Variants in IQCM observed in about 807,000 individuals in gnomAD.
IQCM encodes IQ motif containing M.
A neutral mutation model predicts 57.6 loss-of-function variants in IQCM; 45 were observed. The ratio of observed to expected loss-of-function variants is 0.78; its 90% CI spans 0.62 to 1.00. IQCM has a LOEUF of 1.00. Ranked by LOEUF, IQCM falls within the 50% of genes least tolerant of loss-of-function variation. IQCM has a pLI of 0.00. For missense variants in IQCM, 468 were observed against 511.6 expected, an observed-to-expected ratio of 0.91 and a Z score of 0.82; for synonymous variants, 148 against 158.9, an observed-to-expected ratio of 0.93 and a Z score of 0.51.
At chr4:149,723,766 T>C (rs1765653485) in intron 5 of IQCM, among the ~76,000 whole-genome samples, 1 of 151,986 alleles carries the variant, frequency 6.6e-6, no homozygotes, top group Non-Finnish European at 1.5e-5. Context: ...TGTTATTTCC[T>C]TTCCTGGCTT....
intron 2 of IQCM, among the ~76,000 whole-genome samples, chr4:149,778,290 G>A (rs964576166): frequency 3.9e-5 from 6 of 152,118 alleles, no homozygotes; most frequent in Admixed American, 3.3e-4. Flanking sequence ...GCAGGAGAAT[G>A]GCGTGAACCT....
rs1209490832 is a variant in IQCM at position 149,602,211 on chromosome 4, G to A, written c.682-14214C>T. Among the ~76,000 whole-genome samples, 3 of 151,914 alleles carry A rather than the reference G, an allele frequency of 2.0e-5. No individual in the cohort carries two copies. In the East Asian group the frequency reaches 5.8e-4, roughly 29 times the overall value. ...GAGATGATGTAAAGTATAGGGGAGG[G>A]CTTGTACAGATTATACAAAAAATAG... On this transcript the variant is annotated intron_variant, in intron 8 of 13. Coordinates refer to ENST00000636793, the MANE Select transcript of IQCM (RefSeq NM_001363507.2).
rs374672046 is a variant in IQCM at position 149,390,712 on chromosome 4, C to T, written c.1391-38646G>A. 8.8e-4 allele frequency among the ~76,000 whole-genome samples: 134 copies of T among 151,626 alleles called. 1 individual carries two copies. The highest frequency in any genetic ancestry group is 2.7e-3 in the African/African-American group (111 of 41,390). On this transcript the variant is annotated intron_variant, in intron 13 of 13. Coordinates refer to ENST00000636793, the MANE Select transcript of IQCM (RefSeq NM_001363507.2). ...TTTTTTCTTTATTAATATTGTATAA[C>T]GCATTAATTGACTTTCAGAAGTTAA...
chr4:149,803,637 TG>T (rs1773812743), intron 2 of IQCM, among the ~76,000 whole-genome samples: 1 of 151,978 alleles, frequency 6.6e-6, no homozygotes, highest in Non-Finnish European at 1.5e-5. Context: ...GCTGGACAGT[TG>T]CATGAAAAGG....
rs1750360914 is a variant in IQCM, at chr4:149,563,811, C to T, written c.829G>A (p.Val277Met). ...ATGAATTTTTTTCTTTCTCGGAACA[C>T]TTGGAAGATTTCTATGTGTGGTCCA... ...RIGPHIEIFQ[V>M]FRERKKFMIT... is the part of the protein sequence containing the mutation. Residue 277 changes from valine (V) to methionine (M), a missense_variant, in exon 10 of 14, where the codon GTG becomes ATG. By Grantham distance (21) the Val-to-Met change is conservative. Transcript: ENST00000636793. 1 of 1,231,912 alleles carries T rather than the reference C, an allele frequency of 8.1e-7. No individual in the cohort carries two copies. Among genetic ancestry groups the T allele is most frequent in the Non-Finnish European group, 1.0e-6 (1 of 987,840 alleles). 76.3% of individuals were successfully genotyped at this position (1,231,912 alleles called of 1,614,324 possible).
At chr4:149,390,888 T>C (rs900292107) in intron 13 of IQCM, among the ~76,000 whole-genome samples, 3 of 151,900 alleles carry the variant, frequency 2.0e-5, no homozygotes, top group Non-Finnish European at 4.4e-5. Flanking sequence ...TTTGTTTTTT[T>C]TTTCTTTATA....
intron 8 of IQCM, among the ~76,000 whole-genome samples, chr4:149,615,998 G>A (rs1755759231): frequency 1.3e-5 from 2 of 152,150 alleles, no homozygotes; most frequent in Admixed American, 1.3e-4. Flanking sequence ...TGCATTGCTG[G>A]TGGGAAGGTA....
At chr4:149,433,680 T>A (rs1422372160) in intron 12 of IQCM, 123 bp from the exon 13 acceptor site, 4 of 403,680 alleles carry the variant, frequency 9.9e-6, no homozygotes. Context: ...TGAAAACATG[T>A]CTTTTTTTTT....
chr4:149,540,274 G>C (rs1034197328), intron 12 of IQCM, among the ~76,000 whole-genome samples: 1 of 149,434 alleles, frequency 6.7e-6, no homozygotes, highest in Non-Finnish European at 1.5e-5. Context: ...AATTGTCATA[G>C]AACTACAAGA....
intron 7 of IQCM, among the ~76,000 whole-genome samples, chr4:149,669,444 G>A (rs1237095476): frequency 1.3e-5 from 2 of 152,080 alleles, no homozygotes; most frequent in Non-Finnish European, 2.9e-5. Context: ...CACTCTGATG[G>A]TAGTTACTTT....
chr4:149,732,656 G>GA (rs1352919484), intron 5 of IQCM, among the ~76,000 whole-genome samples: 1 of 151,854 alleles, frequency 6.6e-6, no homozygotes, highest in East Asian at 1.9e-4. Context: ...AACGTAAGAG[G>GA]AAAAAAATAA....
At chr4:149,443,323 A>G (rs2111347087) in intron 12 of IQCM, among the ~76,000 whole-genome samples, 1 of 152,192 alleles carries the variant, frequency 6.6e-6, no homozygotes, top group Admixed American at 6.6e-5. Flanking sequence ...AGTCTAGTCA[A>G]GTTTGTACAT....
chr4:149,397,688 A>C (rs527978723), intron 13 of IQCM, among the ~76,000 whole-genome samples: 1 of 152,168 alleles, frequency 6.6e-6, no homozygotes, highest in East Asian at 1.9e-4. Context: ...GGACTAATAC[A>C]ACAATTTTTT....
chr4:149,673,529 CCAT>C (rs1761492690), intron 7 of IQCM, among the ~76,000 whole-genome samples: 1 of 152,012 alleles, frequency 6.6e-6, no homozygotes, highest in South Asian at 2.1e-4. Flanking sequence ...ACAAAGAAGG[CCAT>C]TACATAATGG....
intron 2 of IQCM, among the ~76,000 whole-genome samples, chr4:149,796,773 G>A (rs537916207): frequency 6.6e-6 from 1 of 152,186 alleles, no homozygotes; most frequent in South Asian, 2.1e-4. Context: ...ATGTCTACCT[G>A]GTAATGCAAA....
At chr4:149,619,717 T>C (rs1467458170) in intron 8 of IQCM, among the ~76,000 whole-genome samples, 1 of 152,202 alleles carries the variant, frequency 6.6e-6, no homozygotes, top group African/African-American at 2.4e-5. Flanking sequence ...CTAAATTGTG[T>C]CCCTTTGAAA....
rs573244359 is a variant in IQCM at position 149,786,965 on chromosome 4, T to C, written c.-49+28346A>G. 5.3e-5 allele frequency among the ~76,000 whole-genome samples: 8 copies of C among 152,288 alleles called. No individual in the cohort carries two copies. The East Asian group carries it at 1.4e-3, about 26-fold the overall frequency. ...AATGGTAGACTGGATAAAGAAAATG[T>C]AGTACATATACACCATGGAATACTA... is the stretch of plus-strand genomic sequence containing the variant. On this transcript the variant is annotated intron_variant, in intron 2 of 13. Transcript: ENST00000636793.
intron 12 of IQCM, among the ~76,000 whole-genome samples, chr4:149,487,728 T>C (rs189086792): frequency 1.1e-4 from 16 of 152,260 alleles, no homozygotes; most frequent in East Asian, 3.9e-4. Context: ...ACTGAGTTCA[T>C]TGTAAAATCC....
At position 149,678,281 on chromosome 4, in the gene IQCM, A is replaced by G. The variant is rs571939525; in HGVS notation, c.565+3837T>C. 7.9e-5 allele frequency among the ~76,000 whole-genome samples: 12 copies of G among 152,014 alleles called. No homozygotes were observed. In the East Asian group the frequency reaches 1.8e-3, roughly 22 times the overall value. On this transcript the variant is annotated intron_variant, in intron 7 of 13. Transcript: ENST00000636793. ...TAAAGAAAGAATCCTAAAAGCAACA[A>G]GAGAAAAAAAGCAAATAACATAAAA...
Sources: allele counts gnomAD v4.1 joint callset (sites outside exome capture counted in the v4.1 genomes callset), GRCh38; gene constraint gnomAD v4.1.1; transcripts MANE v1.5; gene names NCBI Gene and HGNC (gene_info 2026-07-23, HGNC 2026-07-21).